AFAP1L2: variants seen among roughly 807,000 people sequenced by gnomAD.
AFAP1L2 encodes actin filament-associated protein 1-like 2.
Under a neutral mutation model 99.3 loss-of-function variants are expected in AFAP1L2, and 46 were observed. That is an observed-to-expected ratio of 0.46 (90% CI 0.37 to 0.59). The LOEUF (loss-of-function observed/expected upper bound fraction) is 0.59. Ranked by LOEUF, AFAP1L2 falls within the 20% of genes least tolerant of loss-of-function variation. The pLI, the probability that AFAP1L2 is intolerant of heterozygous loss-of-function variation, is 0.00. For missense variants in AFAP1L2, 959 were observed against 1,034.9 expected (o/e 0.93, Z 1.01); for synonymous variants, 397 against 419.1 (o/e 0.95, Z 0.64).
chr10:114,282,697 G>A, the AFAP1L2 span: 1 of 751,192 alleles, frequency 1.3e-6, no homozygotes, highest in East Asian at 2.6e-5. Context: ...AGAGGGATGG[G>A]GCACTTGGGG....
At chr10:114,290,078 C>A, downstream of AFAP1L2, 1 of 842,072 alleles carries the variant, frequency 1.2e-6, no homozygotes, top group Non-Finnish European at 1.8e-6. Context: ...CTGGGTCTTA[C>A]TAACCTAGCC....
chr10:114,306,644 G>T (rs1344302964), intron 10 of AFAP1L2, among the ~76,000 whole-genome samples: 1 of 151,966 alleles, frequency 6.6e-6, no homozygotes, highest in East Asian at 1.9e-4. Flanking sequence ...ACACACACCC[G>T]TCACAATCCT....
intron 1 of AFAP1L2, among the ~76,000 whole-genome samples, chr10:114,395,014 G>A (rs2057543976): frequency 6.6e-6 from 1 of 152,110 alleles, no homozygotes; most frequent in Non-Finnish European, 1.5e-5. Context: ...CAACGGTAGG[G>A]ACCCCATCTC....
chr10:114,320,919 G>C (rs1217791628), intron 5 of AFAP1L2, among the ~76,000 whole-genome samples: 1 of 152,148 alleles, frequency 6.6e-6, no homozygotes, highest in Non-Finnish European at 1.5e-5. Context: ...AGCCCGACTG[G>C]TGAGCTGGCA....
chr10:114,300,741 G>C, intron 13 of AFAP1L2, 51 bp from the exon 14 acceptor site: 4 of 1,534,782 alleles, frequency 2.6e-6, no homozygotes, highest in Non-Finnish European at 3.5e-6. Context: ...TACTCCCTCA[G>C]CTGTGGAGGG....
chr10:114,345,822 T>C (rs1006004348), intron 1 of AFAP1L2, among the ~76,000 whole-genome samples: 1 of 151,740 alleles, frequency 6.6e-6, no homozygotes, highest in South Asian at 2.1e-4. Flanking sequence ...ACTGGAGACA[T>C]GAGACAGGGA....
intron 1 of AFAP1L2, among the ~76,000 whole-genome samples, chr10:114,361,792 T>C (rs2052461946): frequency 6.6e-6 from 1 of 152,194 alleles, no homozygotes; most frequent in African/African-American, 2.4e-5. Flanking sequence ...CTAAATAAAA[T>C]GGGTATGGCC....
chr10:114,352,317 AC>A (rs1424533944), intron 1 of AFAP1L2, among the ~76,000 whole-genome samples: 3 of 152,026 alleles, frequency 2.0e-5, no homozygotes, highest in African/African-American at 7.2e-5. Context: ...TACTAAAAAT[AC>A]AAAAAATTAG....
intron 1 of AFAP1L2, among the ~76,000 whole-genome samples, chr10:114,396,660 A>G (rs2057751480): frequency 6.6e-6 from 1 of 152,228 alleles, no homozygotes. Flanking sequence ...CTTTATTGGT[A>G]GAAAAAAAAG....
At chr10:114,325,897 G>A (rs2046198216) in intron 4 of AFAP1L2, 4 of 1,288,988 alleles carry the variant, frequency 3.1e-6, no homozygotes, top group Non-Finnish European at 4.0e-6. Flanking sequence ...TGGCAGTAAG[G>A]TCTCCCCAGT....
intron 1 of AFAP1L2, among the ~76,000 whole-genome samples, chr10:114,357,812 C>A (rs889018384): frequency 2.6e-5 from 4 of 152,298 alleles, no homozygotes; most frequent in African/African-American, 9.6e-5. Context: ...TAGAATCAAC[C>A]ATTAGTCAAT....
Position 114,295,402 on chromosome 10 carries a change from T to A in AFAP1L2, c.*640A>T, listed in dbSNP as rs2040051023. ...CCTGCCTTGGACTGGAAAGAAGTCT[T>A]TAACTTAGTGGGATTAGTGCTTCAG... On this transcript the variant is annotated 3_prime_UTR_variant, in exon 19 of 19. Transcript: ENST00000304129. 1 of 985,694 alleles carries A rather than the reference T, an allele frequency of 1.0e-6. No homozygotes were observed. Among genetic ancestry groups the A allele is most frequent in the African/African-American group, 1.7e-5 (1 of 57,238 alleles). The allele number at this position is 985,694 out of a possible 1,614,324, so 61.1% of individuals were successfully genotyped here. A position where few individuals can be genotyped will look rare whatever the true frequency, so the allele number is the denominator to read the frequency against.
chr10:114,305,177 GAGGGGACGCAGA>G (rs2041961913), intron 10 of AFAP1L2: 1 of 422,790 alleles, frequency 2.4e-6, no homozygotes, highest in Non-Finnish European at 4.3e-6. Flanking sequence ...TGGGCTGCAG[GAGGGGACGCAGA>G]TGAAGGAGGG....
intron 1 of AFAP1L2, among the ~76,000 whole-genome samples, chr10:114,390,493 C>G (rs540766677): frequency 1.3e-5 from 2 of 152,058 alleles, no homozygotes. Flanking sequence ...GAGGCTGAGG[C>G]GGGCAGATCA....
intron 1 of AFAP1L2, among the ~76,000 whole-genome samples, chr10:114,350,335 C>T (rs2050272500): frequency 6.6e-6 from 1 of 152,222 alleles, no homozygotes; most frequent in African/African-American, 2.4e-5. Flanking sequence ...CTTTATTGTT[C>T]TCTGTTGTCC....
chr10:114,378,598 G>A (rs2055127505), intron 1 of AFAP1L2, among the ~76,000 whole-genome samples: 1 of 152,144 alleles, frequency 6.6e-6, no homozygotes, highest in African/African-American at 2.4e-5. Context: ...CTTCTGCAGT[G>A]GTATCTCGCT....
At chr10:114,380,977 T>G (rs2055536501) in intron 1 of AFAP1L2, among the ~76,000 whole-genome samples, 1 of 152,242 alleles carries the variant, frequency 6.6e-6, no homozygotes. Context: ...ACCCAACAAT[T>G]TCGCTCTTAG....
At chr10:114,359,709 T>C (rs116315792) in intron 1 of AFAP1L2, among the ~76,000 whole-genome samples, 152 of 152,292 alleles carry the variant, frequency 1.0e-3, no homozygotes, top group African/African-American at 3.3e-3. Flanking sequence ...ACCCAGATAG[T>C]TCTTGGTACA....
At position 114,319,623 on chromosome 10, in the gene AFAP1L2, G is replaced by T. The variant is rs1228121118; in HGVS notation, c.406+3548C>A. 5 of 1,289,594 alleles carry T rather than the reference G, an allele frequency of 3.9e-6. No individual in the cohort carries two copies. In the East Asian group the frequency reaches 2.8e-4, roughly 72 times the overall value. 79.9% of individuals were successfully genotyped at this position (1,289,594 alleles called of 1,614,324 possible). On this transcript the variant is annotated intron_variant, in intron 5 of 18. Transcript: ENST00000304129. ...CCTGCACCCATCTGGGGACTCCAGT[G>T]GGGAGAAATCCGCCAGAGTGACCTG...
Sources: allele counts gnomAD v4.1 joint callset (sites outside exome capture counted in the v4.1 genomes callset), GRCh38; gene constraint gnomAD v4.1.1; transcripts MANE v1.5; gene names NCBI Gene and HGNC (gene_info 2026-07-23, HGNC 2026-07-21).